Variants in WNK3 observed in about 807,000 individuals in gnomAD.
WNK3 encodes the protein serine/threonine-protein kinase WNK3.
WNK3 carries 18 observed loss-of-function variants against 116.7 expected under a neutral mutation model. The ratio of observed to expected loss-of-function variants is 0.15; its 90% CI spans 0.11 to 0.23. The LOEUF is 0.23. Among genes scored for constraint, WNK3 ranks in the 10% least tolerant of loss-of-function variants. The pLI, the probability that WNK3 is intolerant of heterozygous loss-of-function variation, is 1.00. For synonymous variants in WNK3, 404 were observed against 469.4 expected, an observed-to-expected ratio of 0.86 and a Z score of 1.80; for missense variants, 993 against 1,323.8, an observed-to-expected ratio of 0.75 and a Z score of 3.88.
chrX:54,326,040 TTACAAAGAACAATAGGTC>T (rs1427067170), intron 2 of WNK3, among the ~76,000 whole-genome samples: 2 of 111,207 alleles, frequency 1.8e-5, no homozygotes, highest in Non-Finnish European at 3.8e-5. Context: ...ACCAAAGTTT[TTACAAAGAACAATAGGTC>T]AAAGTCTTTC....
intron 22 of WNK3, among the ~76,000 whole-genome samples, chrX:54,204,967 T>C (rs1441328663): frequency 8.9e-6 from 1 of 112,120 alleles, no homozygotes; most frequent in African/African-American, 3.2e-5. Context: ...TGTAATCCAA[T>C]CATTCTGGGA....
chrX:54,237,098 C>T, exon 20 of WNK3: 1 of 1,211,863 alleles, frequency 8.3e-7, no homozygotes, highest in Non-Finnish European at 1.1e-6. Flanking sequence ...CTCTCTGGAC[C>T]AGTCTTTGCC....
chrX:54,216,146 G>A (rs2067691811), intron 22 of WNK3, among the ~76,000 whole-genome samples: 2 of 109,906 alleles, frequency 1.8e-5, no homozygotes, highest in South Asian at 8.1e-4. Flanking sequence ...CACTGCGGAA[G>A]GTGGAAGGCG....
chrX:54,307,688 T>C (rs1179524748), intron 5 of WNK3, among the ~76,000 whole-genome samples: 1 of 111,438 alleles, frequency 9.0e-6, no homozygotes, highest in African/African-American at 3.3e-5. Context: ...CAAACAAATA[T>C]ATATAGATGA....
At chrX:54,273,067 C>T (rs192332287) in intron 10 of WNK3, among the ~76,000 whole-genome samples, 42 of 112,113 alleles carry the variant, frequency 3.7e-4, no homozygotes, top group African/African-American at 1.2e-3. Context: ...CCAGTCAGTA[C>T]TTATGAAAAC....
intron 20 of WNK3, among the ~76,000 whole-genome samples, chrX:54,234,056 G>A (rs1216726322): frequency 9.1e-6 from 1 of 109,969 alleles, no homozygotes; most frequent in Admixed American, 9.8e-5. Flanking sequence ...AAAGAACACT[G>A]AAGGATGAAT....
chrX:54,199,463 C>G (rs1420484884), intron 23 of WNK3, among the ~76,000 whole-genome samples: 2 of 111,713 alleles, frequency 1.8e-5, no homozygotes, highest in Non-Finnish European at 3.8e-5. Context: ...TTTTCTCTTG[C>G]TTGAGTCAGA....
intron 2 of WNK3, among the ~76,000 whole-genome samples, chrX:54,328,465 A>C (rs1192897191): frequency 4.5e-5 from 5 of 110,846 alleles, no homozygotes; most frequent in African/African-American, 9.8e-5. Flanking sequence ...TTTCAAAAAA[A>C]AAAAAATTAG....
chrX:54,348,369 G>C (rs782037359), intron 1 of WNK3, among the ~76,000 whole-genome samples: 2 of 110,915 alleles, frequency 1.8e-5, no homozygotes, highest in South Asian at 7.7e-4. Context: ...TAGAGACGAG[G>C]TTTCACCATG....
chrX:54,352,986 T>C (rs782716457), intron 1 of WNK3, among the ~76,000 whole-genome samples: 1 of 112,194 alleles, frequency 8.9e-6, no homozygotes, highest in African/African-American at 3.2e-5. Context: ...TCATATATTA[T>C]ATGATTCCAT....
intron 5 of WNK3, among the ~76,000 whole-genome samples, chrX:54,307,219 C>CAA (rs781986409): frequency 1.9e-5 from 1 of 53,424 alleles, no homozygotes; most frequent in Non-Finnish European, 3.5e-5. Flanking sequence ...GACTGTGTCT[C>CAA]AAAAAAAAAA....
chrX:54,319,993 C>T (rs1438512508), intron 2 of WNK3, among the ~76,000 whole-genome samples: 1 of 111,700 alleles, frequency 9.0e-6, no homozygotes, highest in Non-Finnish European at 1.9e-5. Flanking sequence ...CTTGCTGTCT[C>T]AAGGTAAGGA....
At chrX:54,232,434 G>A (rs1050295034) in intron 21 of WNK3, among the ~76,000 whole-genome samples, 1 of 111,365 alleles carries the variant, frequency 9.0e-6, no homozygotes, top group Non-Finnish European at 1.9e-5. Context: ...GAGCCACTGC[G>A]CCTGGCCGAG....
exon 24 of WNK3, chrX:54,194,811 A>C (rs1176458651): frequency 8.9e-6 from 1 of 111,969 alleles, no homozygotes; most frequent in Non-Finnish European, 1.9e-5. Context: ...CGAGGTAGTT[A>C]AACAAAATTA....
intron 20 of WNK3, among the ~76,000 whole-genome samples, chrX:54,234,434 TC>T (rs1478578087): frequency 9.0e-6 from 1 of 111,439 alleles, no homozygotes; most frequent in Admixed American, 9.6e-5. Context: ...TGTCTCACAT[TC>T]AAAATTAAGT....
exon 2 of WNK3, chrX:54,333,670 C>T: frequency 8.4e-7 from 1 of 1,187,036 alleles, no homozygotes; most frequent in African/African-American, 1.8e-5. Context: ...GAATCAGTGG[C>T]CATTGTAATT....
intron 1 of WNK3, among the ~76,000 whole-genome samples, chrX:54,348,124 ATGTG>A (rs781868512): frequency 1.9e-5 from 2 of 102,890 alleles, no homozygotes; most frequent in Admixed American, 1.1e-4. Context: ...CATTGTATAT[ATGTG>A]TGTGTGTGTG....
chrX:54,251,710 A>G (rs369613143), intron 13 of WNK3, 23 bp from the exon 14 acceptor site: 12 of 1,188,031 alleles, frequency 1.0e-5, no homozygotes, highest in African/African-American at 7.1e-5. Flanking sequence ...AAGTCTATTC[A>G]TGAGAATGAA....
At chrX:54,238,938 G>T (rs2067992439) in exon 18 of WNK3, 2 of 1,204,910 alleles carry the variant, frequency 1.7e-6, no homozygotes, top group African/African-American at 1.8e-5. Flanking sequence ...TTTTTAATTT[G>T]CGAGTCCAGG....
Sources: gnomAD v4.1 joint callset for allele counts (sites outside exome capture counted in the v4.1 genomes callset) on GRCh38, gnomAD v4.1.1 for gene constraint, MANE v1.5 for transcripts, NCBI Gene and HGNC (gene_info 2026-07-23, HGNC 2026-07-21) for gene names.